PNKD: variants seen among roughly 807,000 people sequenced by gnomAD.
PNKD encodes PNKD metallo-beta-lactamase domain containing, also known as probable thioesterase PNKD.
Under a neutral mutation model 45.3 loss-of-function variants are expected in PNKD, and 36 were observed. That is an observed-to-expected ratio of 0.80 (90% CI 0.61 to 1.05). The LOEUF (loss-of-function observed/expected upper bound fraction) is 1.05, where lower values mean the gene tolerates loss of function less well. Ranked by LOEUF, PNKD falls within the 50% of genes least tolerant of loss-of-function variation. The pLI, the probability that PNKD is intolerant of heterozygous loss-of-function variation, is 0.00. For synonymous variants in PNKD, 197 were observed against 210.1 expected (o/e 0.94, Z 0.54); for missense variants, 511 against 506.6 (o/e 1.01, Z -0.08).
At chr2:218,307,353 A>C (rs940060780) in intron 2 of PNKD, among the ~76,000 whole-genome samples, 1 of 152,016 alleles carries the variant, frequency 6.6e-6, no homozygotes, top group African/African-American at 2.4e-5. Context: ...ACTCACCATA[A>C]GGTACAATCA....
chr2:218,305,303 C>T (rs1693377597), intron 2 of PNKD, among the ~76,000 whole-genome samples: 1 of 152,008 alleles, frequency 6.6e-6, no homozygotes, highest in Non-Finnish European at 1.5e-5. Flanking sequence ...TGGAGGCCGC[C>T]ATTTTTTGCC....
intron 5 of PNKD, 137 bp from the exon 6 acceptor site, chr2:218,341,397 C>T: frequency 1.6e-6 from 1 of 622,208 alleles, no homozygotes; most frequent in East Asian, 2.8e-5. Flanking sequence ...TGAACAAAGG[C>T]CTAGAGGTGT....
intron 2 of PNKD, chr2:218,278,422 C>T: frequency 1.6e-6 from 2 of 1,280,618 alleles, no homozygotes; most frequent in Non-Finnish European, 2.3e-6. Flanking sequence ...AGTTTCCATT[C>T]AGCTGCTATA....
chr2:218,279,555 C>A, intron 2 of PNKD: 2 of 537,284 alleles, frequency 3.7e-6, no homozygotes, highest in Non-Finnish European at 6.6e-6. Context: ...TGCCATCTCC[C>A]CTCCTGTCCA....
intron 2 of PNKD, among the ~76,000 whole-genome samples, chr2:218,272,240 G>A (rs1023542071): frequency 6.6e-6 from 1 of 151,102 alleles, no homozygotes; most frequent in African/African-American, 2.5e-5. Flanking sequence ...GGAAAATCCT[G>A]CACAGGTGCT....
chr2:218,275,900 A>T, intron 2 of PNKD: 1 of 1,156,812 alleles, frequency 8.6e-7, no homozygotes, highest in Non-Finnish European at 1.2e-6. Flanking sequence ...TCTGGACAGT[A>T]GTGAGAGGAA....
intron 2 of PNKD, chr2:218,276,060 A>T (rs1280602487): frequency 1.9e-6 from 3 of 1,613,030 alleles, no homozygotes; most frequent in African/African-American, 2.7e-5. Context: ...AGCAGCATAG[A>T]GCATGTGGAG....
At chr2:218,312,214 T>C (rs892003709) in intron 2 of PNKD, among the ~76,000 whole-genome samples, 3 of 152,252 alleles carry the variant, frequency 2.0e-5, no homozygotes, top group African/African-American at 4.8e-5. Flanking sequence ...ATCTGATCTC[T>C]CTTTCTTTTC....
Position 218,270,524 on chromosome 2 carries a change from TG to T in PNKD, c.-9del. The T allele has an allele frequency of 8.2e-7, 1 of 1,214,288 alleles. No individual in the cohort carries two copies. Among genetic ancestry groups the T allele is most frequent in the Non-Finnish European group, 1.1e-6 (1 of 928,052 alleles). 75.2% of individuals were successfully genotyped at this position (1,214,288 alleles called of 1,614,324 possible). ...GGCGGGGAGCGCGGTGAAGCGGGGG[TG>T]GGATCTGAACATGGCGGCGGTGGTA... On this transcript the variant is annotated 5_prime_UTR_variant, in exon 1 of 10. Coordinates refer to ENST00000273077, the MANE Select transcript of PNKD (RefSeq NM_015488.5).
chr2:218,315,376 C>T (rs1333575946), intron 2 of PNKD, among the ~76,000 whole-genome samples: 6 of 151,440 alleles, frequency 4.0e-5, no homozygotes, highest in Non-Finnish European at 4.4e-5. Flanking sequence ...TCTTTGACCT[C>T]GTCATCCACC....
At chr2:218,341,656 C>T (rs1202188491) in intron 6 of PNKD, 30 bp downstream of exon 6, 1 of 1,452,768 alleles carries the variant, frequency 6.9e-7, no homozygotes, top group Non-Finnish European at 9.5e-7. Context: ...AAGGGATGGC[C>T]CTTCCATGGG....
chr2:218,295,588 G>A (rs1187528116), intron 2 of PNKD, among the ~76,000 whole-genome samples: 7 of 151,996 alleles, frequency 4.6e-5, no homozygotes, highest in African/African-American at 1.7e-4. Flanking sequence ...GGGACTTAGG[G>A]CCAGTTGCCC....
intron 2 of PNKD, among the ~76,000 whole-genome samples, chr2:218,325,700 AT>A (rs1694131558): frequency 1.3e-5 from 2 of 152,196 alleles, no homozygotes; most frequent in African/African-American, 4.8e-5. Flanking sequence ...TGAGATCAGA[AT>A]GCCAGGATCA....
At chr2:218,276,051 GC>G in intron 2 of PNKD, 4 of 1,613,146 alleles carry the variant, frequency 2.5e-6, no homozygotes, top group Non-Finnish European at 3.4e-6. Context: ...GGCCCCCAGA[GC>G]AGCATAGAGC....
chr2:218,320,092 A>T (rs983407421), intron 2 of PNKD, among the ~76,000 whole-genome samples: 2 of 152,224 alleles, frequency 1.3e-5, no homozygotes, highest in African/African-American at 4.8e-5. Flanking sequence ...CCTATTGAGC[A>T]GGGGCTTTGT....
Position 218,323,048 on chromosome 2 carries a change from C to CGG in PNKD, c.237-16733_237-16732dup, listed in dbSNP as rs5838692. The CGG allele has an allele frequency of 1, 593,781 of 594,072 alleles. 296,745 individuals are homozygous for CGG. Among genetic ancestry groups the CGG allele is most frequent in the Middle Eastern group, 1 (1,880 of 1,880 alleles). The allele number at this position is 594,072 out of a possible 1,614,324, so 36.8% of individuals were successfully genotyped here. A position where few individuals can be genotyped will look rare whatever the true frequency, so the allele number is the denominator to read the frequency against. ...GTGGCCCCGCCTCCTGGCCGCCAGC[C>CGG]GGGCGGAGCCAGGCCGCCCCCCAAG... is the stretch of plus-strand genomic sequence containing the variant. On this transcript the variant is annotated intron_variant, in intron 2 of 9. Coordinates refer to ENST00000273077, the MANE Select transcript of PNKD (RefSeq NM_015488.5).
rs1257015313 is a variant in PNKD at position 218,339,890 on chromosome 2, T to C, written c.344T>C (p.Leu115Pro). 1 of 1,606,374 alleles carries C rather than the reference T, an allele frequency of 6.2e-7. No individual in the cohort carries two copies. Among genetic ancestry groups the C allele is most frequent in the South Asian group, 1.1e-5 (1 of 90,512 alleles). ...GGCCACTCGAAAACCCAGCCCCGCC[T>C]CTTCAATGGTGAGCTCTGACTGCCC... ...PKGHSKTQPRLFNGVKVLPIP... is the reference protein window; with the variant it reads ...PKGHSKTQPRPFNGVKVLPIP... Residue 115 changes from leucine (L) to proline (P), a missense_variant, in exon 3 of 10, where the codon CTC (leucine) becomes CCC (proline). Leu to Pro is a moderately conservative substitution (Grantham distance 98, BLOSUM62 -3). Transcript: ENST00000273077.
intron 2 of PNKD, among the ~76,000 whole-genome samples, chr2:218,302,757 C>T (rs1481108733): frequency 6.6e-6 from 1 of 152,172 alleles, no homozygotes; most frequent in Non-Finnish European, 1.5e-5. Flanking sequence ...TGGCCCTTGA[C>T]ACAGCCCTCA....
chr2:218,279,148 G>C, intron 2 of PNKD: 2 of 1,608,024 alleles, frequency 1.2e-6, no homozygotes, highest in Non-Finnish European at 1.7e-6. Context: ...CCCCACCCAG[G>C]CCAGCCAGGC....
Sources: gnomAD v4.1 joint callset for allele counts (sites outside exome capture counted in the v4.1 genomes callset) on GRCh38, gnomAD v4.1.1 for gene constraint, MANE v1.5 for transcripts, NCBI Gene and HGNC (gene_info 2026-07-23, HGNC 2026-07-21) for gene names.